The following TTLL5 variants were observed in gnomAD, a reference collection of about 807,000 sequenced individuals.
TTLL5 encodes tubulin tyrosine ligase like 5.
Under a neutral mutation model 168.4 loss-of-function variants are expected in TTLL5, and 132 were observed. The observed-to-expected ratio is 0.78, with a 90% CI of 0.68 to 0.91. The LOEUF (loss-of-function observed/expected upper bound fraction) is 0.91. Among genes scored for constraint, TTLL5 ranks in the 40% least tolerant of loss-of-function variants. TTLL5 has a pLI of 0.00. For missense variants in TTLL5, 1,545 were observed against 1,581.5 expected, an observed-to-expected ratio of 0.98 and a Z score of 0.39; for synonymous variants, 546 against 558.6, an observed-to-expected ratio of 0.98 and a Z score of 0.32.
chr14:75,930,589 C>A (rs369330428), intron 31 of TTLL5: 2 of 984,584 alleles, frequency 2.0e-6, no homozygotes, highest in Non-Finnish European at 2.4e-6. Flanking sequence ...TATCTACTGA[C>A]GTTTCTTGCA....
intron 15 of TTLL5, among the ~76,000 whole-genome samples, chr14:75,743,375 G>A (rs946390658): frequency 2.6e-5 from 4 of 152,082 alleles, no homozygotes; most frequent in Non-Finnish European, 1.5e-5. Context: ...AGGCTGGGTG[G>A]CTTAAACAAC....
chr14:75,693,555 T>C (rs932592180), intron 6 of TTLL5, among the ~76,000 whole-genome samples: 7 of 152,242 alleles, frequency 4.6e-5, no homozygotes, highest in African/African-American at 1.7e-4. Flanking sequence ...CTGGTCTATC[T>C]AGGCTCCTGC....
At chr14:75,696,142 A>G (rs1374228210) in intron 6 of TTLL5, among the ~76,000 whole-genome samples, 1 of 152,014 alleles carries the variant, frequency 6.6e-6, no homozygotes, top group Non-Finnish European at 1.5e-5. Flanking sequence ...CTCCTGCCCC[A>G]GTCTCCCAAA....
intron 5 of TTLL5, among the ~76,000 whole-genome samples, chr14:75,687,564 A>T (rs966191558): frequency 1.3e-5 from 2 of 152,076 alleles, no homozygotes; most frequent in African/African-American, 4.8e-5. Context: ...GTGAGCCACC[A>T]TGCCTCACCT....
intron 28 of TTLL5, among the ~76,000 whole-genome samples, chr14:75,837,988 G>A (rs1414636041): frequency 2.6e-5 from 4 of 152,180 alleles, no homozygotes; most frequent in Non-Finnish European, 5.9e-5. Context: ...ACAAACATGA[G>A]TGTACAAATA....
chr14:75,918,792 C>T (rs902807598), intron 31 of TTLL5, among the ~76,000 whole-genome samples: 2 of 152,030 alleles, frequency 1.3e-5, no homozygotes, highest in African/African-American at 4.8e-5. Context: ...ATTGTTATAA[C>T]TTTAATTTTA....
intron 30 of TTLL5, among the ~76,000 whole-genome samples, chr14:75,894,411 G>A (rs1438466508): frequency 6.6e-6 from 1 of 152,070 alleles, no homozygotes; most frequent in Non-Finnish European, 1.5e-5. Flanking sequence ...AAATTAGCTG[G>A]GCGTTATGGC....
intron 21 of TTLL5, among the ~76,000 whole-genome samples, chr14:75,774,829 C>T (rs1891621640): frequency 6.6e-6 from 1 of 152,090 alleles, no homozygotes; most frequent in African/African-American, 2.4e-5. Context: ...GCGGAGATTA[C>T]AGGTGTGTGC....
chr14:75,703,329 A>T (rs2140163877), intron 7 of TTLL5, among the ~76,000 whole-genome samples: 1 of 152,350 alleles, frequency 6.6e-6, no homozygotes, highest in South Asian at 2.1e-4. Flanking sequence ...AACTCTCTGC[A>T]AATAGCAACT....
At chr14:75,857,888 C>T (rs983421589) in intron 28 of TTLL5, among the ~76,000 whole-genome samples, 5 of 151,878 alleles carry the variant, frequency 3.3e-5, no homozygotes, top group East Asian at 1.9e-4. Flanking sequence ...TGAACTTAAG[C>T]GATCCGCCCA....
At chr14:75,798,707 A>G (rs1347772277) in intron 27 of TTLL5, among the ~76,000 whole-genome samples, 4 of 152,106 alleles carry the variant, frequency 2.6e-5, no homozygotes, top group African/African-American at 9.7e-5. Flanking sequence ...TTCCATATTG[A>G]TTTCATTGTT....
At chr14:75,902,246 T>G (rs765634138) in intron 31 of TTLL5, 22 bp downstream of exon 31, 10 of 1,612,390 alleles carry the variant, frequency 6.2e-6, no homozygotes, top group Non-Finnish European at 7.6e-6. Flanking sequence ...CCAGCTCTTC[T>G]GCAACTGGAT....
intron 22 of TTLL5, 65 bp downstream of exon 22, chr14:75,775,695 G>C (rs568610429): frequency 1.3e-6 from 2 of 1,571,980 alleles, no homozygotes; most frequent in Non-Finnish European, 1.7e-6. Flanking sequence ...AGACTAGATA[G>C]AAGCCTCTGT....
At chr14:75,710,359 A>G (rs568187128) in intron 9 of TTLL5, 42 of 151,928 alleles carry the variant, frequency 2.8e-4, no homozygotes, top group African/African-American at 9.9e-4. Flanking sequence ...TACTGAATTA[A>G]GTATAACCCT....
chr14:75,901,415 T>C (rs192381446), intron 30 of TTLL5, among the ~76,000 whole-genome samples: 6 of 152,220 alleles, frequency 3.9e-5, no homozygotes, highest in African/African-American at 1.2e-4. Context: ...CTGAGACATA[T>C]GGCTAGGGAA....
At chr14:75,941,532 GT>G (rs1305434923) in intron 31 of TTLL5, 2 of 152,184 alleles carry the variant, frequency 1.3e-5, no homozygotes. Context: ...TTTAAATTAA[GT>G]TTTTAATTTT....
intron 27 of TTLL5, among the ~76,000 whole-genome samples, chr14:75,812,579 A>G (rs1042168655): frequency 6.6e-6 from 1 of 152,190 alleles, no homozygotes; most frequent in Admixed American, 6.5e-5. Context: ...AACAACATTG[A>G]GAAATAGTAA....
At chr14:75,825,826 C>G (rs1473098560) in intron 28 of TTLL5, among the ~76,000 whole-genome samples, 1 of 152,032 alleles carries the variant, frequency 6.6e-6, no homozygotes, top group Non-Finnish European at 1.5e-5. Flanking sequence ...TTCTCCAGTA[C>G]ATGTATGATA....
chr14:75,850,570 G>A (rs1896791882), intron 28 of TTLL5, among the ~76,000 whole-genome samples: 1 of 152,078 alleles, frequency 6.6e-6, no homozygotes, highest in South Asian at 2.1e-4. Context: ...CCTAGTATAT[G>A]CTAGGCACTT....
Sources: gnomAD v4.1 joint callset for allele counts (sites outside exome capture counted in the v4.1 genomes callset) on GRCh38, gnomAD v4.1.1 for gene constraint, MANE v1.5 for transcripts, NCBI Gene and HGNC (gene_info 2026-07-23, HGNC 2026-07-21) for gene names.